ATP8B1: variants seen among roughly 807,000 people sequenced by gnomAD.
The protein encoded by ATP8B1 is ATPase phospholipid transporting 8B1, also known as phospholipid-transporting ATPase IC.
In ATP8B1, 80 loss-of-function variants were observed where a neutral mutation model predicts 149.9. The ratio of observed to expected loss-of-function variants is 0.53; its 90% CI spans 0.45 to 0.64. The LOEUF is 0.64. ATP8B1 is among the 30% of genes least tolerant of loss of function. ATP8B1 has a pLI of 0.00. For missense variants in ATP8B1, 1,247 were observed against 1,552.6 expected (o/e 0.80, Z 3.31); for synonymous variants, 536 against 562.8 (o/e 0.95, Z 0.67).
intron 16 of ATP8B1, among the ~76,000 whole-genome samples, chr18:57,671,832 G>T (rs1911233499): frequency 6.6e-6 from 1 of 151,850 alleles, no homozygotes; most frequent in African/African-American, 2.4e-5. Context: ...ATGTTACCCA[G>T]GCTGGTCTTG....
chr18:57,670,540 C>T (rs902227103), intron 17 of ATP8B1, among the ~76,000 whole-genome samples: 36 of 151,420 alleles, frequency 2.4e-4, no homozygotes, highest in African/African-American at 6.5e-4. Context: ...TTGGTAGAGA[C>T]GGGGTTTCAC....
At chr18:57,739,458 C>T (rs1193918489) in intron 1 of ATP8B1, among the ~76,000 whole-genome samples, 2 of 152,212 alleles carry the variant, frequency 1.3e-5, no homozygotes, top group Admixed American at 1.3e-4. Context: ...CATTTGCTTT[C>T]ATTTATCTGC....
Position 57,652,666 on chromosome 18 carries a change from G to C in ATP8B1, c.3079C>G (p.Leu1027Val). The C allele has an allele frequency of 6.2e-7, 1 of 1,614,108 alleles. No homozygotes were observed. The highest frequency in any genetic ancestry group is 8.5e-7 in the Non-Finnish European group (1 of 1,179,944). ...ACAAAGAATCTCTTATAGTTGAATA[G>C]TAAGTCTCTTTGTCCCACTATGTAT... is the stretch of plus-strand genomic sequence containing the variant. The part of the protein sequence containing the change: ...GLYIVGQRDL[L>V]FNYKRFFVSL... Residue 1027 changes from leucine to valine, a missense_variant, in exon 25 of 28, where the codon CTA (leucine) becomes GTA (valine). By Grantham distance (32) the Leu-to-Val change is conservative (BLOSUM62 1). This residue lies in a region of ATP8B1 where 230 missense variants were observed against 356.6 expected (regional missense o/e 0.65). Coordinates refer to ENST00000648908, the MANE Select transcript of ATP8B1 (RefSeq NM_001374385.1).
chr18:57,662,553 G>A lies in ATP8B1; in HGVS notation c.2348C>T (p.Ala783Val). The change falls in exon 21 of 28, where the codon GCA becomes GTA. Residue 783 changes from alanine to valine, a missense_variant. Physicochemically the swap from Ala to Val is moderately conservative, Grantham distance 64. Around this residue, in one of 3 missense-constraint regions of ATP8B1, gnomAD observed 853 missense variants for 1,035.7 expected, o/e 0.82. Coordinates refer to ENST00000648908, the MANE Select transcript of ATP8B1 (RefSeq NM_001374385.1). ...RNRGGVYAKF[A>V]PPVQESFFPP... ...AAAAAAAGATTCCTGCACAGGAGGT[G>A]CAAACTTTGCGTAGACGCCACCTCT... 1 of 1,614,116 alleles carries A rather than the reference G, an allele frequency of 6.2e-7. No homozygotes were observed. The highest frequency in any genetic ancestry group is 8.5e-7 in the Non-Finnish European group (1 of 1,180,012).
At chr18:57,724,634 C>G (rs1223558203) in intron 2 of ATP8B1, among the ~76,000 whole-genome samples, 1 of 148,386 alleles carries the variant, frequency 6.7e-6, no homozygotes, top group Non-Finnish European at 1.5e-5. Context: ...GAAATAGGAA[C>G]ACTTTTACAC....
At position 57,784,072 on chromosome 18, in the gene ATP8B1, G is replaced by T. The variant is rs1215566504; in HGVS notation, c.-26+18926C>A. On this transcript the variant is annotated intron_variant, in intron 1 of 27. Coordinates refer to ENST00000648908, the MANE Select transcript of ATP8B1 (RefSeq NM_001374385.1). This position sits in a 1 kb window ranked among gnomAD's most constrained non-coding sequence, Gnocchi z 4.4. The stretch of plus-strand genomic sequence containing the variant: ...TGGGGTGGGCAGAGACTACGCTGAA[G>T]AAATGACATTTGGGCCAAAAGGCAA... Among the ~76,000 whole-genome samples, 2 of 152,170 alleles carry T rather than the reference G, an allele frequency of 1.3e-5. No homozygotes were observed. The highest frequency in any genetic ancestry group is 1.3e-4 in the Admixed American group (2 of 15,278).
intron 1 of ATP8B1, among the ~76,000 whole-genome samples, chr18:57,761,636 G>GT (rs950786037): frequency 1.1e-4 from 16 of 151,784 alleles, no homozygotes; most frequent in East Asian, 3.9e-4. Context: ...AATTCTATAG[G>GT]TTTTTTTCTT....
chr18:57,725,554 G>A (rs10163556), intron 2 of ATP8B1, among the ~76,000 whole-genome samples: 11,307 of 152,194 alleles, frequency 0.074, 807 homozygotes, highest in African/African-American at 0.19. Flanking sequence ...GGGAACCACA[G>A]AAGACCCAGA....
intron 4 of ATP8B1, among the ~76,000 whole-genome samples, chr18:57,703,576 CAAAAA>C (rs35128451): frequency 1.5e-5 from 2 of 131,716 alleles, no homozygotes; most frequent in Non-Finnish European, 1.6e-5. Flanking sequence ...AACACGGTCT[CAAAAA>C]AAAAAAAAAA....
chr18:57,696,291 CGCA>C (rs1225565983), intron 8 of ATP8B1, among the ~76,000 whole-genome samples: 1 of 152,140 alleles, frequency 6.6e-6, no homozygotes, highest in Admixed American at 6.5e-5. Flanking sequence ...CCGCGGCTCA[CGCA>C]TGTAATGGCA....
At chr18:57,789,088 T>C (rs560190814) in intron 1 of ATP8B1, among the ~76,000 whole-genome samples, 1 of 152,290 alleles carries the variant, frequency 6.6e-6, no homozygotes, top group South Asian at 2.1e-4. Context: ...CCAGATGAAA[T>C]ATAGGACACA....
intron 1 of ATP8B1, among the ~76,000 whole-genome samples, chr18:57,791,046 G>A (rs903545338): frequency 1.3e-5 from 2 of 152,046 alleles, no homozygotes; most frequent in African/African-American, 2.4e-5. Flanking sequence ...GTGATATTAA[G>A]TGCATCCACA....
rs1422877403 is a variant in ATP8B1, at chr18:57,802,306, G to T, written c.-26+692C>A. Reference sequence around the variant, plus strand: ...GGGCACCAAACTGCTGAGGGAAGGAGATGCCTGCAGCCATCTCAGCGGGGC... The same window carrying T: ...GGGCACCAAACTGCTGAGGGAAGGATATGCCTGCAGCCATCTCAGCGGGGC... On this transcript the variant is annotated intron_variant, in intron 1 of 27. Transcript: ENST00000648908. This position sits in a 1 kb window ranked among gnomAD's most constrained non-coding sequence, Gnocchi z 4.9. Among the ~76,000 whole-genome samples the T allele has an allele frequency of 6.6e-6, 1 of 152,200 alleles. No homozygotes were observed. Among genetic ancestry groups the T allele is most frequent in the African/African-American group, 2.4e-5 (1 of 41,452 alleles).
At chr18:57,712,058 T>C (rs1913714719) in intron 2 of ATP8B1, among the ~76,000 whole-genome samples, 1 of 151,190 alleles carries the variant, frequency 6.6e-6, no homozygotes, top group African/African-American at 2.4e-5. Context: ...CATATATATA[T>C]ATATATATAT....
intron 8 of ATP8B1, among the ~76,000 whole-genome samples, chr18:57,695,738 T>C (rs562523783): frequency 6.6e-6 from 1 of 152,338 alleles, no homozygotes; most frequent in East Asian, 1.9e-4. Context: ...TTGGGAAATG[T>C]TGGTTCCCTT....
chr18:57,789,634 C>A (rs960257545), intron 1 of ATP8B1, among the ~76,000 whole-genome samples: 1 of 152,160 alleles, frequency 6.6e-6, no homozygotes, highest in Non-Finnish European at 1.5e-5. Flanking sequence ...CCATACAAAG[C>A]GCCCCTTTCC....
At chr18:57,680,046 C>T (rs1468977039) in intron 15 of ATP8B1, among the ~76,000 whole-genome samples, 4 of 149,964 alleles carry the variant, frequency 2.7e-5, no homozygotes, top group South Asian at 4.3e-4. Flanking sequence ...GAGGCTGAGG[C>T]GGGTGGATCA....
At chr18:57,681,346 T>A (rs949445115) in intron 15 of ATP8B1, among the ~76,000 whole-genome samples, 1 of 152,100 alleles carries the variant, frequency 6.6e-6, no homozygotes, top group African/African-American at 2.4e-5. Context: ...AAAAAGACAC[T>A]GAGCTCCAGA....
chr18:57,678,735 T>A (rs1911757382), intron 15 of ATP8B1, among the ~76,000 whole-genome samples: 1 of 53,722 alleles, frequency 1.9e-5, no homozygotes, highest in African/African-American at 5.2e-5. Context: ...TGAAACCCTG[T>A]CTCTACTAAA....
Sources: allele counts gnomAD v4.1 joint callset (sites outside exome capture counted in the v4.1 genomes callset), GRCh38; gene constraint gnomAD v4.1.1; regional missense constraint gnomAD v4.1.1; non-coding constraint Gnocchi (gnomAD v3.1); transcripts MANE v1.5; gene names NCBI Gene and HGNC (gene_info 2026-07-23, HGNC 2026-07-21).